DOCK4: variants seen among roughly 807,000 people sequenced by gnomAD.
DOCK4 encodes dedicator of cytokinesis 4, also known as dedicator of cytokinesis protein 4.
Under a neutral mutation model 268.1 loss-of-function variants are expected in DOCK4, and 97 were observed. That is an observed-to-expected ratio of 0.36 (90% CI 0.31 to 0.43). DOCK4 has a LOEUF of 0.43. Among genes scored for constraint, DOCK4 ranks in the 20% least tolerant of loss-of-function variants. DOCK4 has a pLI of 1.00. For synonymous variants in DOCK4, 954 were observed against 887.2 expected (o/e 1.08, Z -1.34); for missense variants, 2,145 against 2,455.7 (o/e 0.87, Z 2.67).
At chr7:112,058,896 A>G (rs1806097709) in intron 1 of DOCK4, among the ~76,000 whole-genome samples, 1 of 152,154 alleles carries the variant, frequency 6.6e-6, no homozygotes, top group African/African-American at 2.4e-5. Context: ...AAGAAGAAGG[A>G]AAAGCTCTTG....
At chr7:112,199,648 G>A (rs2116865412) in intron 1 of DOCK4, among the ~76,000 whole-genome samples, 1 of 152,216 alleles carries the variant, frequency 6.6e-6, no homozygotes. Context: ...AATAAAACAA[G>A]TTATACAAGT....
At chr7:112,192,649 A>G (rs2116808158) in intron 1 of DOCK4, among the ~76,000 whole-genome samples, 1 of 152,332 alleles carries the variant, frequency 6.6e-6, no homozygotes, top group East Asian at 1.9e-4. Flanking sequence ...AAATCAGGGT[A>G]ACATCTATCT....
chr7:111,909,182 C>T (rs757169201), intron 13 of DOCK4, among the ~76,000 whole-genome samples: 14 of 152,186 alleles, frequency 9.2e-5, no homozygotes, highest in Non-Finnish European at 1.5e-4. Context: ...TCTGTTGTTT[C>T]CTGACTTACT....
At chr7:111,923,052 A>G (rs1304784007) in intron 12 of DOCK4, among the ~76,000 whole-genome samples, 1 of 152,208 alleles carries the variant, frequency 6.6e-6, no homozygotes, top group East Asian at 1.9e-4. Context: ...CTGGGTGTCA[A>G]AAATATTTGG....
At chr7:111,878,215 AATAG>A (rs1341417943) in intron 16 of DOCK4, among the ~76,000 whole-genome samples, 7 of 152,232 alleles carry the variant, frequency 4.6e-5, no homozygotes, top group Non-Finnish European at 8.8e-5. Flanking sequence ...ACACTTAAGA[AATAG>A]ATAGCCAGAT....
At chr7:112,000,090 A>T (rs1326758209) in intron 3 of DOCK4, among the ~76,000 whole-genome samples, 4 of 152,088 alleles carry the variant, frequency 2.6e-5, no homozygotes, top group African/African-American at 9.6e-5. Flanking sequence ...CATGCCGCTA[A>T]GTATACTTGT....
chr7:111,807,231 A>C (rs1048969658), intron 30 of DOCK4, among the ~76,000 whole-genome samples: 1 of 152,218 alleles, frequency 6.6e-6, no homozygotes, highest in African/African-American at 2.4e-5. Context: ...AACAGATTCA[A>C]TGCAGCATTC....
intron 41 of DOCK4, among the ~76,000 whole-genome samples, chr7:111,758,382 C>G (rs1356276474): frequency 6.6e-6 from 1 of 152,200 alleles, no homozygotes; most frequent in Non-Finnish European, 1.5e-5. Context: ...ATTTTAGGAC[C>G]TCCTCCCAGA....
rs879173295 is a variant in DOCK4, at chr7:111,732,492, G to A, written c.5420-205C>T. On this transcript the variant is annotated intron_variant, in intron 51 of 52. Coordinates refer to ENST00000428084, the MANE Select transcript of DOCK4 (RefSeq NM_001363540.2). ...AAAGGGTGGCACTGCCAAGATATGG[G>A]AGCATCAGTGAAAAGTTATCATGGC... 7 of 594,358 alleles carry A rather than the reference G, an allele frequency of 1.2e-5. No homozygotes were observed. The Admixed American group carries it at 2.1e-4, about 18-fold the overall frequency. 36.8% of individuals were successfully genotyped at this position (594,358 alleles called of 1,614,324 possible). A position where few individuals can be genotyped will look rare whatever the true frequency, so the allele number is the denominator to read the frequency against.
chr7:112,181,639 C>CAAAAAAAAAAAAAAAAAA (rs55807955), intron 1 of DOCK4, among the ~76,000 whole-genome samples: 10 of 65,374 alleles, frequency 1.5e-4, no homozygotes, highest in African/African-American at 4.1e-4. Flanking sequence ...GACACTGTCT[C>CAAAAAAAAAAAAAAAAAA]AAAAAAAAAA....
At chr7:112,114,992 A>T (rs999589770) in intron 1 of DOCK4, among the ~76,000 whole-genome samples, 1 of 152,082 alleles carries the variant, frequency 6.6e-6, no homozygotes, top group East Asian at 1.9e-4. Flanking sequence ...GACCATTAAA[A>T]CCCATTCCCA....
chr7:112,104,054 A>G (rs956051398), intron 1 of DOCK4, among the ~76,000 whole-genome samples: 1 of 152,226 alleles, frequency 6.6e-6, no homozygotes, highest in Non-Finnish European at 1.5e-5. Context: ...TTATTCCAAC[A>G]GGGATAGTAA....
At chr7:111,834,437 G>T in intron 26 of DOCK4, 151 bp downstream of exon 26, 1 of 606,692 alleles carries the variant, frequency 1.6e-6, no homozygotes, top group Non-Finnish European at 2.8e-6. Flanking sequence ...CAATATAGAT[G>T]AGCAGATCTG....
intron 12 of DOCK4, among the ~76,000 whole-genome samples, chr7:111,927,614 G>A (rs1170140025): frequency 2.0e-5 from 3 of 152,128 alleles, no homozygotes; most frequent in East Asian, 3.9e-4. Flanking sequence ...CATATACTGA[G>A]GACTATGTCT....
At chr7:111,737,121 G>A (rs991745576) in intron 49 of DOCK4, 132 bp from the exon 50 acceptor site, 2 of 684,386 alleles carry the variant, frequency 2.9e-6, no homozygotes, top group South Asian at 2.1e-5. Flanking sequence ...ATGAGCCTAG[G>A]AACAAATAAT....
At chr7:111,910,281 C>G (rs556971351) in intron 13 of DOCK4, among the ~76,000 whole-genome samples, 10 of 152,316 alleles carry the variant, frequency 6.6e-5, no homozygotes, top group African/African-American at 1.7e-4. Context: ...TCCAGAATGT[C>G]TGATGGATGG....
At chr7:111,927,590 C>A (rs1793825460) in intron 12 of DOCK4, among the ~76,000 whole-genome samples, 1 of 152,098 alleles carries the variant, frequency 6.6e-6, no homozygotes, top group Non-Finnish European at 1.5e-5. Context: ...TTTAGTGTAT[C>A]AACATTTCAA....
intron 1 of DOCK4, among the ~76,000 whole-genome samples, chr7:112,037,893 T>C (rs931077022): frequency 2.0e-5 from 3 of 152,222 alleles, no homozygotes; most frequent in Non-Finnish European, 4.4e-5. Flanking sequence ...CATATCCTCA[T>C]ATAAACCTTA....
At chr7:112,093,320 C>A (rs188204827) in intron 1 of DOCK4, among the ~76,000 whole-genome samples, 2 of 152,236 alleles carry the variant, frequency 1.3e-5, no homozygotes, top group East Asian at 3.9e-4. Flanking sequence ...TTAAGTAATT[C>A]TTTCTGGGCA....
Sources: allele counts gnomAD v4.1 joint callset (sites outside exome capture counted in the v4.1 genomes callset), GRCh38; gene constraint gnomAD v4.1.1; transcripts MANE v1.5; gene names NCBI Gene and HGNC (gene_info 2026-07-23, HGNC 2026-07-21).